The following SEL1L2 variants were observed in gnomAD, a reference collection of about 807,000 sequenced individuals.
SEL1L2 encodes SEL1L2 adaptor subunit of SYVN1 ubiquitin ligase.
Under a neutral mutation model 98.8 loss-of-function variants are expected in SEL1L2, and 89 were observed. The ratio of observed to expected loss-of-function variants is 0.90; its 90% confidence interval spans 0.76 to 1.07. The LOEUF is 1.07. SEL1L2 is among the 50% of genes least tolerant of loss of function. The probability of loss-of-function intolerance (pLI) is 0.00; values close to 1 mark genes in which losing one functional copy is unlikely to be tolerated. For synonymous variants in SEL1L2, 262 were observed against 278.5 expected, an observed-to-expected ratio of 0.94 and a Z score of 0.59; for missense variants, 788 against 812.0, an observed-to-expected ratio of 0.97 and a Z score of 0.36.
intron 18 of SEL1L2, among the ~76,000 whole-genome samples, chr20:13,853,159 T>C (rs1988548936): frequency 6.6e-6 from 1 of 152,160 alleles, no homozygotes; most frequent in Non-Finnish European, 1.5e-5. Context: ...TAACAATATA[T>C]TTCAAATAAT....
In SEL1L2 at chr20:13,982,674, G is replaced by C. The variant is rs564310043; in HGVS notation, c.58+7803C>G. Among the ~76,000 whole-genome samples the C allele has an allele frequency of 2.4e-4, 36 of 151,952 alleles. 1 individual carries two copies. In the South Asian group the frequency reaches 2.7e-3, roughly 11 times the overall value. ...GGGAGACAGGACCCTGGATGATCTA[G>C]AGCCAGAACTCCTGGCAATGCCTTT... On this transcript the variant is annotated intron_variant, in intron 1 of 19. Coordinates refer to ENST00000284951, the MANE Select transcript of SEL1L2 (RefSeq NM_025229.2).
In SEL1L2 at chr20:13,980,917, A is replaced by G. The variant is rs143301383; in HGVS notation, c.58+9560T>C. 3.9e-5 allele frequency among the ~76,000 whole-genome samples: 6 copies of G among 152,332 alleles called. No individual in the cohort carries two copies. In the East Asian group the frequency reaches 7.7e-4, roughly 20 times the overall value. ...AGAAATACTTCCTGATCTCACTTAT[A>G]TGTGGAATCTAAAGAGTTGAAACTC... On this transcript the variant is annotated intron_variant, in intron 1 of 19. Coordinates refer to ENST00000284951, the MANE Select transcript of SEL1L2 (RefSeq NM_025229.2).
In SEL1L2 at chr20:13,866,869, T is replaced by C. The variant is rs1253991245; in HGVS notation, c.1256-19A>G. On this transcript the variant is annotated intron_variant, in intron 14 of 19. Transcript: ENST00000284951. ...GAGCCAGCTGAAAATTAAAATTGTT[T>C]TGAGCCACCCCTTATTGACTTTATT... 2 of 1,597,194 alleles carry C rather than the reference T, an allele frequency of 1.3e-6. No homozygotes were observed. Among genetic ancestry groups the C allele is most frequent in the East Asian group, 2.3e-5 (1 of 44,254 alleles).
At chr20:13,854,863 C>G (rs963792027) in intron 18 of SEL1L2, among the ~76,000 whole-genome samples, 1 of 151,960 alleles carries the variant, frequency 6.6e-6, no homozygotes, top group African/African-American at 2.4e-5. Context: ...ACCATCCTGG[C>G]CAACATGGTG....
In SEL1L2 at chr20:13,954,614, C is replaced by T. The variant is rs149760574; in HGVS notation, c.114+1462G>A. ...GAATAGTTCTTAGTTTTCTTTTGTCCCAGGCTTTACAAGGTTGGAAGGGGC... is the reference window on the plus strand; with the variant it reads ...GAATAGTTCTTAGTTTTCTTTTGTCTCAGGCTTTACAAGGTTGGAAGGGGC... On this transcript the variant is annotated intron_variant, in intron 2 of 19. Coordinates refer to ENST00000284951, the MANE Select transcript of SEL1L2 (RefSeq NM_025229.2). Among the ~76,000 whole-genome samples, 966 of 151,762 alleles carry T rather than the reference C, an allele frequency of 6.4e-3. 9 individuals are homozygous for T. The highest frequency in any genetic ancestry group is 0.011 in the Non-Finnish European group (760 of 67,954).
intron 14 of SEL1L2, 50 bp downstream of exon 14, chr20:13,869,453 A>T: frequency 7.5e-7 from 1 of 1,333,334 alleles, no homozygotes; most frequent in Non-Finnish European, 1.1e-6. Flanking sequence ...AAGCAGACTT[A>T]ATAATGCATA....
chr20:13,923,394 C>T (rs2048744118), intron 3 of SEL1L2, among the ~76,000 whole-genome samples: 1 of 152,256 alleles, frequency 6.6e-6, no homozygotes, highest in South Asian at 2.1e-4. Flanking sequence ...CGTATAGATT[C>T]CTCAGTTTAT....
Position 13,937,331 on chromosome 20 carries a change from CT to C in SEL1L2, c.115-5561del, listed in dbSNP as rs377599836. On this transcript the variant is annotated intron_variant, in intron 2 of 19. Coordinates refer to ENST00000284951, the MANE Select transcript of SEL1L2 (RefSeq NM_025229.2). ...CCCGCCCAAGTGTTTATATCAGATG[CT>C]TTTGTGCAGATGAGCGACTGGAGCC... Among the ~76,000 whole-genome samples, 614 of 152,298 alleles carry C rather than the reference CT, an allele frequency of 4.0e-3. 1 individual carries two copies. Among genetic ancestry groups the C allele is most frequent in the East Asian group, 9.8e-3 (51 of 5,180 alleles).
chr20:13,973,367 T>C (rs1464837798), intron 1 of SEL1L2: 1 of 152,232 alleles, frequency 6.6e-6, no homozygotes, highest in Non-Finnish European at 1.5e-5. Context: ...GCAAGGGCCA[T>C]GCCAATATTC....
chr20:13,905,377 G>A (rs1397504419), intron 5 of SEL1L2, among the ~76,000 whole-genome samples: 3 of 147,540 alleles, frequency 2.0e-5, no homozygotes, highest in African/African-American at 5.0e-5. Flanking sequence ...GCAGTGGCGT[G>A]ATCTCAGCTC....
chr20:13,850,566 C>A (rs964867777), intron 18 of SEL1L2, among the ~76,000 whole-genome samples: 1 of 152,146 alleles, frequency 6.6e-6, no homozygotes, highest in Non-Finnish European at 1.5e-5. Context: ...AGGGACTCAA[C>A]TTGCCATTGT....
chr20:13,981,508 C>G (rs1388335955), intron 1 of SEL1L2, among the ~76,000 whole-genome samples: 1 of 152,190 alleles, frequency 6.6e-6, no homozygotes, highest in Admixed American at 6.5e-5. Context: ...ATTAGTCTGA[C>G]TTAATCATTG....
chr20:13,932,284 C>A (rs2049178434), intron 2 of SEL1L2, among the ~76,000 whole-genome samples: 1 of 151,814 alleles, frequency 6.6e-6, no homozygotes, highest in Non-Finnish European at 1.5e-5. Flanking sequence ...CAGGTTATTT[C>A]TGAGTAGTAG....
chr20:13,856,578 T>A (rs1320890621), intron 18 of SEL1L2, among the ~76,000 whole-genome samples: 1 of 152,184 alleles, frequency 6.6e-6, no homozygotes, highest in African/African-American at 2.4e-5. Flanking sequence ...CCCAGAACAA[T>A]GATGCAGTCA....
chr20:13,903,163 C>T (rs780802391), intron 5 of SEL1L2, among the ~76,000 whole-genome samples: 1 of 150,746 alleles, frequency 6.6e-6, no homozygotes, highest in Non-Finnish European at 1.5e-5. Context: ...TTCTGAAGAG[C>T]TGATCAACCA....
At chr20:13,868,690 C>T (rs1000807944) in intron 14 of SEL1L2, among the ~76,000 whole-genome samples, 5 of 151,370 alleles carry the variant, frequency 3.3e-5, no homozygotes, top group African/African-American at 9.7e-5. Flanking sequence ...ACTGCAACCT[C>T]CACCTCCTGG....
chr20:13,862,211 G>C (rs987194663), intron 17 of SEL1L2, among the ~76,000 whole-genome samples: 1 of 152,182 alleles, frequency 6.6e-6, no homozygotes, highest in Non-Finnish European at 1.5e-5. Context: ...TTTAGAATAT[G>C]ACTGTCCAAC....
chr20:13,907,747 T>TC (rs1555879989), intron 5 of SEL1L2, among the ~76,000 whole-genome samples: 3 of 85,364 alleles, frequency 3.5e-5, no homozygotes, highest in Admixed American at 2.3e-4. Context: ...TCTTTCTTTC[T>TC]TTTCTTTTCT....
At chr20:13,885,441 TA>T in intron 9 of SEL1L2, 38 bp from the exon 10 acceptor site, 2 of 1,326,432 alleles carry the variant, frequency 1.5e-6, no homozygotes, top group Non-Finnish European at 1.1e-6. Flanking sequence ...TTAGCAGCAG[TA>T]TTACTTTAAA....
Sources: allele counts gnomAD v4.1 joint callset (sites outside exome capture counted in the v4.1 genomes callset), GRCh38; gene constraint gnomAD v4.1.1; transcripts MANE v1.5; gene names NCBI Gene and HGNC (gene_info 2026-07-23, HGNC 2026-07-21).